GRIN2B: variants seen among roughly 807,000 people sequenced by gnomAD.
GRIN2B encodes the protein glutamate receptor ionotropic, NMDA 2B.
Under a neutral mutation model 114.5 loss-of-function variants are expected in GRIN2B, and 5 were observed. The observed-to-expected ratio is 0.04, with a 90% CI of 0.02 to 0.09. GRIN2B has a LOEUF of 0.09. Among genes scored for constraint, GRIN2B ranks in the 10% least tolerant of loss-of-function variants. GRIN2B has a pLI of 1.00. For synonymous variants in GRIN2B, 787 were observed against 745.1 expected, an observed-to-expected ratio of 1.06 and a Z score of -0.92; for missense variants, 1,108 against 1,943.5, an observed-to-expected ratio of 0.57 and a Z score of 8.08.
intron 5 of GRIN2B, among the ~76,000 whole-genome samples, chr12:13,657,309 C>A (rs1027628761): frequency 1.3e-5 from 2 of 152,140 alleles, no homozygotes; most frequent in Non-Finnish European, 2.9e-5. Flanking sequence ...ATAGCTTTTC[C>A]ATGTTCTAAA....
intron 5 of GRIN2B, among the ~76,000 whole-genome samples, chr12:13,624,652 G>T (rs1949550642): frequency 6.6e-6 from 1 of 152,210 alleles, no homozygotes; most frequent in South Asian, 2.1e-4. Flanking sequence ...CACTTACTAA[G>T]CTGGGGACCG....
chr12:13,763,966 T>A (rs1863728132), intron 3 of GRIN2B, among the ~76,000 whole-genome samples: 1 of 152,228 alleles, frequency 6.6e-6, no homozygotes, highest in Non-Finnish European at 1.5e-5. Flanking sequence ...GTTTAAGACT[T>A]CTGAGGTTCT....
intron 6 of GRIN2B, 109 bp downstream of exon 6, chr12:13,616,346 G>T (rs1949440414): frequency 1.3e-6 from 1 of 785,876 alleles, no homozygotes; most frequent in South Asian, 1.4e-5. Flanking sequence ...CTAGAAATCA[G>T]ACACAGTGCC....
chr12:13,857,931 CA>C (rs1317136231), intron 3 of GRIN2B, among the ~76,000 whole-genome samples: 1 of 152,148 alleles, frequency 6.6e-6, no homozygotes, highest in African/African-American at 2.4e-5. Context: ...ACCTTCCAAC[CA>C]TGACAAAATG....
chr12:13,645,538 A>G (rs1414544051), intron 5 of GRIN2B, among the ~76,000 whole-genome samples: 2 of 152,148 alleles, frequency 1.3e-5, no homozygotes, highest in African/African-American at 4.8e-5. Flanking sequence ...TGCTCTACCC[A>G]GGACTGCCAC....
intron 4 of GRIN2B, among the ~76,000 whole-genome samples, chr12:13,728,767 G>A (rs1863035141): frequency 1.3e-5 from 2 of 152,130 alleles, no homozygotes; most frequent in Non-Finnish European, 2.9e-5. Context: ...ATGCACAGAG[G>A]GAGTATAATT....
At chr12:13,660,375 T>C (rs973154600) in intron 5 of GRIN2B, among the ~76,000 whole-genome samples, 2 of 152,186 alleles carry the variant, frequency 1.3e-5, no homozygotes, top group Non-Finnish European at 2.9e-5. Context: ...GAACAGGGTG[T>C]CTATTTACCT....
chr12:13,715,418 A>G (rs576316456), intron 4 of GRIN2B, among the ~76,000 whole-genome samples: 1 of 152,032 alleles, frequency 6.6e-6, no homozygotes, highest in East Asian at 1.9e-4. Context: ...AGTTCTTAAC[A>G]ATATAAGGTT....
At chr12:13,944,372 C>G (rs1386705021) in intron 2 of GRIN2B, among the ~76,000 whole-genome samples, 1 of 152,184 alleles carries the variant, frequency 6.6e-6, no homozygotes, top group Non-Finnish European at 1.5e-5. Context: ...CAGATAGAAT[C>G]CTTGTCCATG....
At position 13,584,477 on chromosome 12, in the gene GRIN2B, A is replaced by T. The variant is rs190531542; in HGVS notation, c.2011-12513T>A. Among the ~76,000 whole-genome samples, 18 of 152,342 alleles carry T rather than the reference A, an allele frequency of 1.2e-4. No individual in the cohort carries two copies. In the East Asian group the frequency reaches 3.3e-3, roughly 28 times the overall value. The stretch of plus-strand genomic sequence containing the variant: ...TCGCACATGTGGATATATTTATTAT[A>T]TGAAAAACTCCATTCAAAGTGCACT... On this transcript the variant is annotated intron_variant, in intron 10 of 13. Coordinates refer to ENST00000609686, the MANE Select transcript of GRIN2B (RefSeq NM_000834.5).
At chr12:13,694,490 C>T (rs12578850) in intron 4 of GRIN2B, among the ~76,000 whole-genome samples, 22,483 of 150,760 alleles carry the variant, frequency 0.15, 1,885 homozygotes, top group East Asian at 0.34. Flanking sequence ...CTAATATAAT[C>T]CCATGTTACA....
chr12:13,635,156 G>A (rs774026729), intron 5 of GRIN2B, among the ~76,000 whole-genome samples: 38 of 152,166 alleles, frequency 2.5e-4, no homozygotes, highest in Admixed American at 5.9e-4. Context: ...TGCTTTACTC[G>A]GAGTGTTCAT....
chr12:13,568,858 G>A (rs112657987), intron 12 of GRIN2B, among the ~76,000 whole-genome samples: 1,581 of 152,278 alleles, frequency 0.01, 34 homozygotes, highest in African/African-American at 0.036. Context: ...AACTCAAGTT[G>A]GTGGTTCAGT....
intron 2 of GRIN2B, among the ~76,000 whole-genome samples, chr12:13,952,764 C>T (rs925846813): frequency 1.3e-5 from 2 of 151,910 alleles, no homozygotes; most frequent in African/African-American, 4.8e-5. Flanking sequence ...TTATTTTTAT[C>T]TCACCCACTT....
intron 4 of GRIN2B, among the ~76,000 whole-genome samples, chr12:13,696,783 A>T (rs931401485): frequency 6.6e-6 from 1 of 152,128 alleles, no homozygotes; most frequent in African/African-American, 2.4e-5. Context: ...GCTCTTCATT[A>T]TCAGTACTAA....
intron 4 of GRIN2B, among the ~76,000 whole-genome samples, chr12:13,742,543 AC>A (rs1165291289): frequency 6.6e-6 from 1 of 151,992 alleles, no homozygotes; most frequent in Non-Finnish European, 1.5e-5. Context: ...TGATTCTCTT[AC>A]CCCAGCCTCT....
chr12:13,638,283 A>G (rs187167618), intron 5 of GRIN2B, among the ~76,000 whole-genome samples: 277 of 152,298 alleles, frequency 1.8e-3, no homozygotes, highest in Admixed American at 2.9e-3. Flanking sequence ...GAAAAGTCGT[A>G]TAAGAGACTA....
At chr12:13,884,793 T>A (rs1361706102) in intron 2 of GRIN2B, among the ~76,000 whole-genome samples, 1 of 152,234 alleles carries the variant, frequency 6.6e-6, no homozygotes, top group Non-Finnish European at 1.5e-5. Flanking sequence ...TGAAATTTTT[T>A]AAATCATGAA....
Position 13,563,618 on chromosome 12 carries a change from T to G in GRIN2B, c.3620A>C (p.Glu1207Ala). 3.1e-6 allele frequency: 5 copies of G among 1,613,988 alleles called. No homozygotes were observed. Among genetic ancestry groups the G allele is most frequent in the Non-Finnish European group, 4.2e-6 (5 of 1,179,992 alleles). ...GCAGAAGTTGCCCCCGGACCGGTCCTCCCACTCCACGTTGGTCAGGTTCTT... is the reference window on the plus strand; with the variant it reads ...GCAGAAGTTGCCCCCGGACCGGTCCGCCCACTCCACGTTGGTCAGGTTCTT... ...WEKNLTNVEW[E>A]DRSGGNFCRS... The change falls in exon 14 of 14, where the codon GAG becomes GCG. Residue 1207 changes from glutamate (E) to alanine (A), a missense_variant. By Grantham distance (107) the Glu-to-Ala change is moderately radical. This residue lies in a region of GRIN2B where 478 missense variants were observed against 506.0 expected (regional missense o/e 0.94). Coordinates refer to ENST00000609686, the MANE Select transcript of GRIN2B (RefSeq NM_000834.5).
Sources: gnomAD v4.1 joint callset for allele counts (sites outside exome capture counted in the v4.1 genomes callset) on GRCh38, gnomAD v4.1.1 for gene constraint, gnomAD v4.1.1 regional missense constraint, MANE v1.5 for transcripts, NCBI Gene and HGNC (gene_info 2026-07-23, HGNC 2026-07-21) for gene names.